Variants in PLCH1 observed in about 807,000 individuals in gnomAD.
PLCH1 encodes 1-phosphatidylinositol 4,5-bisphosphate phosphodiesterase eta-1.
Under a neutral mutation model 126.7 loss-of-function variants are expected in PLCH1, and 60 were observed. The observed-to-expected ratio is 0.47, with a 90% confidence interval of 0.38 to 0.59. The LOEUF (loss-of-function observed/expected upper bound fraction) is 0.59. Among genes scored for constraint, PLCH1 ranks in the 20% least tolerant of loss-of-function variants. The probability of loss-of-function intolerance (pLI) is 0.00; values close to 1 mark genes in which losing one functional copy is unlikely to be tolerated. For missense variants in PLCH1, 1,723 were observed against 2,040.0 expected, an observed-to-expected ratio of 0.84 and a Z score of 2.99; for synonymous variants, 719 against 734.9, an observed-to-expected ratio of 0.98 and a Z score of 0.35.
chr3:155,538,467 C>A (rs1223127109), intron 10 of PLCH1, among the ~76,000 whole-genome samples: 4 of 151,948 alleles, frequency 2.6e-5, no homozygotes, highest in South Asian at 2.1e-4. Context: ...AAACCTGGTT[C>A]TTTGAAAAGA....
intron 10 of PLCH1, among the ~76,000 whole-genome samples, chr3:155,529,106 T>A (rs1722327283): frequency 6.6e-6 from 1 of 152,362 alleles, no homozygotes; most frequent in Middle Eastern, 3.4e-3. Flanking sequence ...TGGTCCAATG[T>A]TGATGTAAAT....
downstream of PLCH1, among the ~76,000 whole-genome samples, chr3:155,476,400 A>G (rs1313861452): frequency 1.3e-5 from 2 of 152,138 alleles, no homozygotes; most frequent in Non-Finnish European, 2.9e-5. Flanking sequence ...GAGGGTGCCC[A>G]CTGTCACCAT....
At chr3:155,455,716 CTT>C (rs1461006244) in intron 21 of PLCH1, among the ~76,000 whole-genome samples, 1 of 152,158 alleles carries the variant, frequency 6.6e-6, no homozygotes, top group Non-Finnish European at 1.5e-5. Flanking sequence ...TTTGAAGAGG[CTT>C]TGTTTCCTAA....
At chr3:155,516,756 T>TAA (rs541380543) in intron 11 of PLCH1, among the ~76,000 whole-genome samples, 1 of 147,950 alleles carries the variant, frequency 6.8e-6, no homozygotes, top group Admixed American at 6.7e-5. Flanking sequence ...CATTTTGTAT[T>TAA]AAAAAAAAAA....
chr3:155,692,898 T>TCCTGCCTCAGAGTAGCTGGGACTA (rs1162256838), intron 2 of PLCH1, among the ~76,000 whole-genome samples: 2 of 151,938 alleles, frequency 1.3e-5, no homozygotes, highest in East Asian at 3.9e-4. Context: ...AGCTGGGATC[T>TCCTGCCTCAGAGTAGCTGGGACTA]CCTGCCTCAG....
chr3:155,606,545 G>A (rs1198530223), intron 2 of PLCH1, among the ~76,000 whole-genome samples: 1 of 152,182 alleles, frequency 6.6e-6, no homozygotes, highest in Non-Finnish European at 1.5e-5. Flanking sequence ...AATTAGCTAC[G>A]TAGGAAATAT....
chr3:155,610,479 G>C (rs7629557), intron 2 of PLCH1, among the ~76,000 whole-genome samples: 77,310 of 151,384 alleles, frequency 0.51, 22,787 homozygotes, highest in African/African-American at 0.8. Flanking sequence ...GTCAGGTAAC[G>C]TGCAAAGGAA....
chr3:155,545,392 A>C (rs1181591860), intron 10 of PLCH1, among the ~76,000 whole-genome samples: 2 of 147,610 alleles, frequency 1.4e-5, no homozygotes, highest in Non-Finnish European at 1.5e-5. Context: ...TGTGTCAATA[A>C]TCAATAGCTT....
chr3:155,730,215 A>T (rs1748662639), intron 1 of PLCH1, among the ~76,000 whole-genome samples: 1 of 152,156 alleles, frequency 6.6e-6, no homozygotes, highest in Admixed American at 6.5e-5. Context: ...ATAGAGAAGG[A>T]GATGGGATAT....
In PLCH1 at chr3:155,453,225, A is replaced by G. The variant is rs191769113; in HGVS notation, c.2938+32131T>C. The stretch of plus-strand genomic sequence containing the variant: ...AAGGCTAAGGAACTTTCACAGATGG[A>G]AGGAAATCAAGAAGATATGTCAATT... On this transcript the variant is annotated intron_variant, in intron 21 of 21. Coordinates refer to the PLCH1 transcript ENST00000494598. Among the ~76,000 whole-genome samples, 681 of 152,350 alleles carry G rather than the reference A, an allele frequency of 4.5e-3. 6 individuals are homozygous for G. The highest frequency in any genetic ancestry group is 0.01 in the Middle Eastern group (3 of 294).
intron 2 of PLCH1, among the ~76,000 whole-genome samples, chr3:155,681,490 A>G (rs186140263): frequency 6.6e-6 from 1 of 152,208 alleles, no homozygotes; most frequent in Non-Finnish European, 1.5e-5. Flanking sequence ...TGGGCTTTGA[A>G]TCTCCACAGA....
intron 2 of PLCH1, among the ~76,000 whole-genome samples, chr3:155,682,285 A>C (rs914995783): frequency 5.3e-5 from 8 of 152,226 alleles, no homozygotes; most frequent in Admixed American, 5.2e-4. Flanking sequence ...CCTTTGGCCT[A>C]TTCATCATCA....
intron 21 of PLCH1, among the ~76,000 whole-genome samples, chr3:155,463,408 C>A (rs1712802439): frequency 6.6e-6 from 1 of 152,086 alleles, no homozygotes; most frequent in Non-Finnish European, 1.5e-5. Flanking sequence ...ACACTAACAC[C>A]CAGCTGAGTA....
chr3:155,549,793 T>G lies in PLCH1; in HGVS notation c.1356A>C (p.Leu452=). 6.2e-7 allele frequency: 1 copy of G among 1,611,600 alleles called. No homozygotes were observed. The highest frequency in any genetic ancestry group is 8.5e-7 in the Non-Finnish European group (1 of 1,178,268). ...CATTACTTGAAGTAATTACCTTCAC[T>G]AGAATTTTGCCTTTCAAACTTTGAG... is the stretch of plus-strand genomic sequence containing the variant. The part of the protein sequence containing the change: ...PSPQSLKGKI[L]VKGKKLPYHL... Residue 452 remains leucine, a synonymous_variant, in exon 10 of 23, where the codon CTA becomes CTC. Coordinates refer to ENST00000460012, the MANE Select transcript of PLCH1 (RefSeq NM_014996.4).
chr3:155,645,354 C>T (rs1033015693), intron 2 of PLCH1, among the ~76,000 whole-genome samples: 1 of 152,240 alleles, frequency 6.6e-6, no homozygotes, highest in East Asian at 1.9e-4. Flanking sequence ...GGAATACAGG[C>T]GTGCACCACT....
intron 2 of PLCH1, among the ~76,000 whole-genome samples, chr3:155,702,023 C>T (rs1206399872): frequency 6.6e-6 from 1 of 152,134 alleles, no homozygotes; most frequent in Non-Finnish European, 1.5e-5. Flanking sequence ...ATCTCTAAAT[C>T]CTTTCGAAAG....
chr3:155,590,024 T>C (rs1731905007), intron 4 of PLCH1, among the ~76,000 whole-genome samples: 1 of 152,158 alleles, frequency 6.6e-6, no homozygotes, highest in Admixed American at 6.5e-5. Context: ...CAGGGTCTGA[T>C]CCCTAATGAC....
chr3:155,489,507 C>T (rs1385572510), intron 19 of PLCH1, among the ~76,000 whole-genome samples: 1 of 152,088 alleles, frequency 6.6e-6, no homozygotes, highest in Non-Finnish European at 1.5e-5. Context: ...TGTTCATAGA[C>T]AATAATGTGC....
chr3:155,637,482 A>T (rs1261280909), intron 2 of PLCH1, among the ~76,000 whole-genome samples: 1 of 152,232 alleles, frequency 6.6e-6, no homozygotes, highest in East Asian at 1.9e-4. Context: ...GTAGATAAGG[A>T]TCCATATCTG....
Sources: allele counts gnomAD v4.1 joint callset (sites outside exome capture counted in the v4.1 genomes callset), GRCh38; gene constraint gnomAD v4.1.1; transcripts MANE v1.5; gene names NCBI Gene and HGNC (gene_info 2026-07-23, HGNC 2026-07-21).